The following MDFIC2 variants were observed in gnomAD, a reference collection of about 807,000 sequenced individuals.
MDFIC2 encodes myoD family inhibitor domain-containing protein 2.
At chr3:70,307,128 C>G (rs910222792) in intron 2 of MDFIC2, among the ~76,000 whole-genome samples, 1 of 152,070 alleles carries the variant, frequency 6.6e-6, no homozygotes, top group Non-Finnish European at 1.5e-5. Context: ...TGCAAACTGG[C>G]AGTCTGTGGG....
At chr3:70,264,868 A>G (rs887509227) in intron 2 of MDFIC2, among the ~76,000 whole-genome samples, 1 of 152,174 alleles carries the variant, frequency 6.6e-6, no homozygotes, top group Non-Finnish European at 1.5e-5. Context: ...AAGACATACC[A>G]TAGACTGGGT....
In MDFIC2 at chr3:70,194,892, G is replaced by A. The variant is rs1021943593; in HGVS notation, c.*2034C>T. Among the ~76,000 whole-genome samples, 1 of 152,164 alleles carries A rather than the reference G, an allele frequency of 6.6e-6. No individual in the cohort carries two copies. Among genetic ancestry groups the A allele is most frequent in the Non-Finnish European group, 1.5e-5 (1 of 68,032 alleles). On this transcript the variant is annotated 3_prime_UTR_variant, in exon 4 of 4. Coordinates refer to ENST00000567252, the MANE Select transcript of MDFIC2 (RefSeq NM_001364677.1). ...TAGTGACTAGACCACGGGTAGAGGG[G>A]TGGGTGCTCAGAGAGGAGCCAAGAG...
intron 2 of MDFIC2, among the ~76,000 whole-genome samples, chr3:70,243,839 T>C (rs940857297): frequency 6.6e-6 from 1 of 152,200 alleles, no homozygotes; most frequent in Non-Finnish European, 1.5e-5. Flanking sequence ...GAGAGCTTTG[T>C]GTCTAGGAGG....
At chr3:70,238,098 C>T (rs567182459) in intron 2 of MDFIC2, among the ~76,000 whole-genome samples, 34 of 146,940 alleles carry the variant, frequency 2.3e-4, no homozygotes, top group Non-Finnish European at 4.6e-4. Context: ...CTTGCCCTGT[C>T]CTGCTCCTCA....
At chr3:70,234,507 G>A (rs1234465847) in intron 2 of MDFIC2, among the ~76,000 whole-genome samples, 1 of 152,030 alleles carries the variant, frequency 6.6e-6, no homozygotes, top group Non-Finnish European at 1.5e-5. Flanking sequence ...TAATCAGCCA[G>A]GCATGGTGGC....
At chr3:70,303,655 T>C (rs937540823) in intron 2 of MDFIC2, among the ~76,000 whole-genome samples, 3 of 152,132 alleles carry the variant, frequency 2.0e-5, no homozygotes, top group Non-Finnish European at 4.4e-5. Context: ...ATTTTGAAAG[T>C]AATGTGCCAC....
intron 2 of MDFIC2, among the ~76,000 whole-genome samples, chr3:70,277,148 C>G (rs962006883): frequency 7.9e-5 from 12 of 152,128 alleles, no homozygotes; most frequent in Admixed American, 6.5e-5. Flanking sequence ...GCAGTTTTAT[C>G]AAACTTTCCT....
intron 2 of MDFIC2, among the ~76,000 whole-genome samples, chr3:70,241,102 C>T (rs1490647237): frequency 6.6e-6 from 1 of 152,110 alleles, no homozygotes; most frequent in Non-Finnish European, 1.5e-5. Flanking sequence ...TCTGTGACTT[C>T]TGTTCATGGA....
chr3:70,283,680 G>A (rs1575614975), intron 2 of MDFIC2: 1 of 151,744 alleles, frequency 6.6e-6, no homozygotes, highest in East Asian at 2.0e-4. Flanking sequence ...ATAACATTTG[G>A]GTTTGGATGA....
chr3:70,277,528 G>A (rs1037839477), intron 2 of MDFIC2, among the ~76,000 whole-genome samples: 4 of 152,044 alleles, frequency 2.6e-5, no homozygotes, highest in Admixed American at 1.3e-4. Flanking sequence ...CGAACAGACC[G>A]CTTTTATTGG....
intron 2 of MDFIC2, among the ~76,000 whole-genome samples, chr3:70,252,582 C>T (rs2106653070): frequency 6.6e-6 from 1 of 152,244 alleles, no homozygotes; most frequent in African/African-American, 2.4e-5. Context: ...GGCCAGATAA[C>T]AGGAATGAGA....
chr3:70,304,375 A>G (rs1361586252), intron 2 of MDFIC2, among the ~76,000 whole-genome samples: 1 of 152,200 alleles, frequency 6.6e-6, no homozygotes, highest in Non-Finnish European at 1.5e-5. Flanking sequence ...TCAAAATAGA[A>G]TAACTCATCT....
chr3:70,268,474 CA>C (rs66482424), intron 2 of MDFIC2, among the ~76,000 whole-genome samples: 42,509 of 95,334 alleles, frequency 0.45, 7,060 homozygotes, highest in Middle Eastern at 0.57. Context: ...GACTCCGTCT[CA>C]AAAAAAAAAA....
At chr3:70,294,577 C>T (rs530904518) in intron 2 of MDFIC2, among the ~76,000 whole-genome samples, 1 of 152,252 alleles carries the variant, frequency 6.6e-6, no homozygotes, top group Admixed American at 6.5e-5. Flanking sequence ...CATTATTGCT[C>T]ATTCTGCAAG....
At chr3:70,220,265 A>T (rs1701449940) in intron 2 of MDFIC2, among the ~76,000 whole-genome samples, 1 of 152,078 alleles carries the variant, frequency 6.6e-6, no homozygotes, top group Non-Finnish European at 1.5e-5. Context: ...AATATGCCGC[A>T]TTAAAAAAAC....
intron 3 of MDFIC2, among the ~76,000 whole-genome samples, chr3:70,204,144 A>G (rs898918485): frequency 3.9e-5 from 6 of 152,170 alleles, no homozygotes; most frequent in Admixed American, 1.3e-4. Context: ...TAAATAATAG[A>G]TATTAGCAAT....
Position 70,196,497 on chromosome 3 carries a change from A to G in MDFIC2, c.*429T>C, listed in dbSNP as rs1250557455. 1.3e-5 allele frequency among the ~76,000 whole-genome samples: 2 copies of G among 152,210 alleles called. No homozygotes were observed. Among genetic ancestry groups the G allele is most frequent in the Non-Finnish European group, 2.9e-5 (2 of 68,028 alleles). Reference sequence around the variant, plus strand: ...TAATAACCAACAATGCATAATGTTTATGCATGAGTCCATTAGAAAGACGAG... The same window carrying G: ...TAATAACCAACAATGCATAATGTTTGTGCATGAGTCCATTAGAAAGACGAG... On this transcript the variant is annotated 3_prime_UTR_variant, in exon 4 of 4. Transcript: ENST00000567252.
At chr3:70,282,878 C>T (rs1038949765) in intron 2 of MDFIC2, among the ~76,000 whole-genome samples, 3 of 152,108 alleles carry the variant, frequency 2.0e-5, no homozygotes, top group Non-Finnish European at 2.9e-5. Context: ...TTGTAGAATT[C>T]ATGAATCTGC....
intron 2 of MDFIC2, among the ~76,000 whole-genome samples, chr3:70,275,343 T>C (rs960122231): frequency 6.6e-6 from 1 of 151,950 alleles, no homozygotes; most frequent in Non-Finnish European, 1.5e-5. Context: ...ACCTCGTCTC[T>C]ACAAAAAATA....
Sources: allele counts gnomAD v4.1 joint callset (sites outside exome capture counted in the v4.1 genomes callset), GRCh38; gene constraint gnomAD v4.1.1; transcripts MANE v1.5; gene names NCBI Gene and HGNC (gene_info 2026-07-23, HGNC 2026-07-21).